The following BANK1 variants were observed in gnomAD, a reference collection of about 807,000 sequenced individuals.
BANK1 encodes the protein B cell scaffold protein with ankyrin repeats 1, also known as B-cell scaffold protein with ankyrin repeats.
A neutral mutation model predicts 94.5 loss-of-function variants in BANK1; 95 were observed. The ratio of observed to expected loss-of-function variants is 1.00; its 90% confidence interval spans 0.85 to 1.19. BANK1 has a LOEUF of 1.19. Ranked by LOEUF, BANK1 falls within the 50% of genes most tolerant of loss-of-function variation. The pLI is 0.00. For missense variants in BANK1, 987 were observed against 932.2 expected, an observed-to-expected ratio of 1.06 and a Z score of -0.77; for synonymous variants, 334 against 308.4, an observed-to-expected ratio of 1.08 and a Z score of -0.87.
rs1006480054 is a variant in BANK1, at chr4:102,021,513, G to C, written c.1207-1G>C. On this transcript the variant is annotated splice_acceptor_variant, in intron 7 of 16. Coordinates refer to ENST00000322953, the MANE Select transcript of BANK1 (RefSeq NM_017935.5). LOFTEE classifies it high-confidence loss of function. ...ATTATTAAAAATTACATTTTTTTCA[G>C]ATCCAAGAAATTGACATAAATAATG... is the stretch of plus-strand genomic sequence containing the variant. 4 of 1,395,072 alleles carry C rather than the reference G, an allele frequency of 2.9e-6. No individual in the cohort carries two copies. Among genetic ancestry groups the C allele is most frequent in the Non-Finnish European group, 3.9e-6 (4 of 1,026,708 alleles). The allele number at this position is 1,395,072 out of a possible 1,614,324, so 86.4% of individuals were successfully genotyped here.
At chr4:101,857,531 A>C (rs1379540033) in intron 3 of BANK1, among the ~76,000 whole-genome samples, 1 of 152,090 alleles carries the variant, frequency 6.6e-6, no homozygotes, top group South Asian at 2.1e-4. Flanking sequence ...GTCTATCGTT[A>C]ATTAAGGCAG....
chr4:101,886,105 A>G lies in BANK1; in HGVS notation c.904-9200A>G, dbSNP rs186837361. Among the ~76,000 whole-genome samples the G allele has an allele frequency of 4.1e-4, 63 of 152,344 alleles. 1 individual carries two copies. The East Asian group carries it at 0.012, about 29-fold the overall frequency. ...GACCAAAATATTCTTATGCATTACAAGGCTGTATTTAGTTCTCTGTTTTAT... is the reference window on the plus strand; with the variant it reads ...GACCAAAATATTCTTATGCATTACAGGGCTGTATTTAGTTCTCTGTTTTAT... On this transcript the variant is annotated intron_variant, in intron 5 of 16. Transcript: ENST00000322953.
In BANK1 at chr4:101,883,741, A is replaced by G. The variant is rs17031782; in HGVS notation, c.904-11564A>G. 9.7e-3 allele frequency among the ~76,000 whole-genome samples: 1,477 copies of G among 152,330 alleles called. 85 individuals carry two copies. In the East Asian group the frequency reaches 0.14, roughly 15 times the overall value. ...GAGGATTCATGTCTTAAACAAGAAGAAACGTTTTAAAACAATCCAGAAAAA... is the reference window on the plus strand; with the variant it reads ...GAGGATTCATGTCTTAAACAAGAAGGAACGTTTTAAAACAATCCAGAAAAA... On this transcript the variant is annotated intron_variant, in intron 5 of 16. Coordinates refer to ENST00000322953, the MANE Select transcript of BANK1 (RefSeq NM_017935.5).
intron 7 of BANK1, among the ~76,000 whole-genome samples, chr4:101,967,586 TTA>T (rs1428104151): frequency 3.3e-5 from 5 of 152,160 alleles, no homozygotes; most frequent in Middle Eastern, 6.8e-3. Flanking sequence ...TCTCTGTAAT[TTA>T]TACTAACTTT....
chr4:101,870,687 A>C, intron 5 of BANK1, 43 bp downstream of exon 5: 1 of 1,580,956 alleles, frequency 6.3e-7, no homozygotes, highest in East Asian at 2.3e-5. Flanking sequence ...TGTAAGCTGA[A>C]GAGCTAATGA....
chr4:102,067,325 T>C (rs990995279), intron 13 of BANK1, among the ~76,000 whole-genome samples: 8 of 152,084 alleles, frequency 5.3e-5, no homozygotes, highest in Non-Finnish European at 1.2e-4. Context: ...ATATTAAAGG[T>C]GACTGAATTA....
intron 7 of BANK1, among the ~76,000 whole-genome samples, chr4:101,939,121 C>A (rs1223547609): frequency 6.6e-6 from 1 of 151,690 alleles, no homozygotes; most frequent in African/African-American, 2.4e-5. Context: ...CCATTTCTTT[C>A]CCAAATGGGT....
chr4:102,067,031 C>G (rs4698987), intron 13 of BANK1, among the ~76,000 whole-genome samples: 1 of 151,756 alleles, frequency 6.6e-6, no homozygotes, highest in Non-Finnish European at 1.5e-5. Context: ...AGTAAGCAGT[C>G]TGATGTGTCA....
chr4:102,057,318 A>ATT (rs1304453969), intron 11 of BANK1, among the ~76,000 whole-genome samples: 1 of 78,364 alleles, frequency 1.3e-5, no homozygotes, highest in Non-Finnish European at 2.7e-5. Flanking sequence ...CTGTTTCTCT[A>ATT]TTTCTCTCTC....
rs1723460475 is a variant in BANK1 at position 101,934,460 on chromosome 4, A to G, written c.1206+16271A>G. Among the ~76,000 whole-genome samples the G allele has an allele frequency of 2.6e-5, 4 of 151,452 alleles. 1 individual carries two copies. The South Asian group carries it at 6.2e-4, about 24-fold the overall frequency. On this transcript the variant is annotated intron_variant, in intron 7 of 16. Transcript: ENST00000322953. ...AGAAACTCTTCATCCCTTTGATGGA[A>G]ATAAAAGAAAATTATGAGCAGTGAG...
At chr4:102,044,031 T>A (rs1449628937) in intron 11 of BANK1, 124 bp downstream of exon 11, 2 of 535,598 alleles carry the variant, frequency 3.7e-6, no homozygotes, top group African/African-American at 3.8e-5. Context: ...ATCTTACTCT[T>A]TTTTTTATTA....
intron 5 of BANK1, among the ~76,000 whole-genome samples, chr4:101,880,637 G>T (rs1268229033): frequency 1.1e-4 from 17 of 151,772 alleles, no homozygotes; most frequent in Non-Finnish European, 2.4e-4. Flanking sequence ...CTAAGCAAAA[G>T]AAATTGGATG....
intron 6 of BANK1, among the ~76,000 whole-genome samples, chr4:101,907,926 A>G (rs1238999202): frequency 2.0e-5 from 3 of 152,344 alleles, no homozygotes; most frequent in African/African-American, 7.2e-5. Context: ...AAAGGGAAGA[A>G]CATTCCATGC....
intron 7 of BANK1, among the ~76,000 whole-genome samples, chr4:101,957,701 G>A (rs957880512): frequency 6.6e-6 from 1 of 152,192 alleles, no homozygotes; most frequent in African/African-American, 2.4e-5. Context: ...AATGTATTAA[G>A]CTTTGGTTTG....
intron 6 of BANK1, among the ~76,000 whole-genome samples, chr4:101,900,795 A>G (rs1399983928): frequency 6.6e-6 from 1 of 152,194 alleles, no homozygotes; most frequent in African/African-American, 2.4e-5. Context: ...ATTGGTTGGT[A>G]TTAAGTATAT....
At chr4:102,022,073 TG>T (rs1726927801) in intron 8 of BANK1, among the ~76,000 whole-genome samples, 2 of 152,200 alleles carry the variant, frequency 1.3e-5, no homozygotes, top group South Asian at 4.2e-4. Flanking sequence ...TGTATATAAA[TG>T]TATATATATA....
At chr4:101,905,877 A>G (rs1162917837) in intron 6 of BANK1, among the ~76,000 whole-genome samples, 4 of 152,166 alleles carry the variant, frequency 2.6e-5, no homozygotes, top group Non-Finnish European at 4.4e-5. Flanking sequence ...CCAAACTATA[A>G]AATCAACGTA....
At chr4:101,819,698 G>A (rs547213241) in intron 1 of BANK1, among the ~76,000 whole-genome samples, 201 of 152,246 alleles carry the variant, frequency 1.3e-3, no homozygotes, top group African/African-American at 4.5e-3. Flanking sequence ...GACATCAAAA[G>A]TTCAGTTCAA....
chr4:102,025,025 T>A (rs1474277014), intron 8 of BANK1, among the ~76,000 whole-genome samples, 176 bp from the exon 9 acceptor site: 1 of 152,234 alleles, frequency 6.6e-6, no homozygotes, highest in African/African-American at 2.4e-5. Context: ...GTAAGTATTT[T>A]AAAAACCCAG....
Sources: allele counts gnomAD v4.1 joint callset (sites outside exome capture counted in the v4.1 genomes callset), GRCh38; gene constraint gnomAD v4.1.1; transcripts MANE v1.5; gene names NCBI Gene and HGNC (gene_info 2026-07-23, HGNC 2026-07-21).